The following ANKS1B variants were observed in gnomAD, a reference collection of about 807,000 sequenced individuals.
ANKS1B encodes ankyrin repeat and sterile alpha motif domain-containing protein 1B.
Under a neutral mutation model 148.3 loss-of-function variants are expected in ANKS1B, and 36 were observed. The observed-to-expected ratio is 0.24, with a 90% CI of 0.19 to 0.32. ANKS1B has a LOEUF of 0.32. Ranked by LOEUF, ANKS1B falls within the 10% of genes least tolerant of loss-of-function variation. ANKS1B has a pLI of 1.00. For missense variants in ANKS1B, 1,157 were observed against 1,542.6 expected, an observed-to-expected ratio of 0.75 and a Z score of 4.19; for synonymous variants, 542 against 560.8, an observed-to-expected ratio of 0.97 and a Z score of 0.47.
chr12:99,223,840 A>G (rs890299071), intron 14 of ANKS1B, among the ~76,000 whole-genome samples: 4 of 152,210 alleles, frequency 2.6e-5, no homozygotes, highest in Non-Finnish European at 5.9e-5. Context: ...TGCCTACTTT[A>G]TCAAACTAGC....
intron 17 of ANKS1B, among the ~76,000 whole-genome samples, chr12:98,985,927 A>G (rs1427680850): frequency 2.0e-5 from 3 of 152,086 alleles, no homozygotes; most frequent in African/African-American, 7.2e-5. Flanking sequence ...TCTGCCATCA[A>G]TTCATGTTCT....
chr12:99,603,659 A>T (rs2097825190), intron 9 of ANKS1B, among the ~76,000 whole-genome samples: 1 of 152,108 alleles, frequency 6.6e-6, no homozygotes, highest in Non-Finnish European at 1.5e-5. Context: ...TGAATTCTGG[A>T]GGGATACAGT....
At position 98,735,282 on chromosome 12, in the gene ANKS1B, A is replaced by T. The variant is rs113354620; in HGVS notation, c.*278T>A. The stretch of plus-strand genomic sequence containing the variant: ...AATTACATTGGACTTCATATATATA[A>T]TTTTTTTTTACATTATATGTCTCTT... On this transcript the variant is annotated 3_prime_UTR_variant, in exon 10 of 10. Transcript: ENST00000341752. 3.7e-4 allele frequency: 145 copies of T among 396,872 alleles called. 1 individual carries two copies. The highest frequency in any genetic ancestry group is 2.4e-3 in the African/African-American group (114 of 48,250). 24.6% of individuals were successfully genotyped at this position (396,872 alleles called of 1,614,324 possible).
At chr12:99,691,286 C>T (rs1231254089) in intron 8 of ANKS1B, among the ~76,000 whole-genome samples, 2 of 152,214 alleles carry the variant, frequency 1.3e-5, no homozygotes, top group African/African-American at 2.4e-5. Context: ...TGGAGACTTC[C>T]TCCCCATTGT....
intron 16 of ANKS1B, among the ~76,000 whole-genome samples, chr12:99,076,349 A>C (rs190696628): frequency 3.0e-4 from 46 of 152,292 alleles, no homozygotes; most frequent in South Asian, 1.5e-3. Flanking sequence ...ATTTTAGGGA[A>C]TATCAATGTA....
At chr12:99,508,667 G>A (rs1392203858) in intron 9 of ANKS1B, among the ~76,000 whole-genome samples, 1 of 151,584 alleles carries the variant, frequency 6.6e-6, no homozygotes, top group Non-Finnish European at 1.5e-5. Context: ...CTATCATATT[G>A]AAATTTTAAT....
At chr12:99,007,210 T>TGA (rs1346285923) in intron 17 of ANKS1B, among the ~76,000 whole-genome samples, 1 of 152,194 alleles carries the variant, frequency 6.6e-6, no homozygotes, top group Non-Finnish European at 1.5e-5. Flanking sequence ...TAAAGGAAGA[T>TGA]GATCAGGAAC....
At chr12:99,620,794 T>C (rs2098038049) in intron 9 of ANKS1B, among the ~76,000 whole-genome samples, 1 of 152,172 alleles carries the variant, frequency 6.6e-6, no homozygotes, top group African/African-American at 2.4e-5. Context: ...TTGGCATTGA[T>C]GAGAGAGAAA....
At chr12:99,902,439 A>C (rs1045506151) in intron 1 of ANKS1B, among the ~76,000 whole-genome samples, 19 of 152,180 alleles carry the variant, frequency 1.2e-4, no homozygotes, top group Non-Finnish European at 1.8e-4. Flanking sequence ...AGAAATTGAG[A>C]TTTCATTCTA....
chr12:99,315,252 AC>A (rs1233945349), intron 12 of ANKS1B, among the ~76,000 whole-genome samples: 3 of 151,768 alleles, frequency 2.0e-5, no homozygotes, highest in African/African-American at 4.8e-5. Flanking sequence ...AAAAAAAAAA[AC>A]AAAAAACCTA....
intron 9 of ANKS1B, among the ~76,000 whole-genome samples, chr12:99,620,887 T>A (rs997557971): frequency 6.6e-6 from 1 of 152,116 alleles, no homozygotes; most frequent in Non-Finnish European, 1.5e-5. Context: ...GGTAGACATC[T>A]GGATAGAAGA....
At chr12:99,113,560 T>C (rs1209114704) in intron 15 of ANKS1B, among the ~76,000 whole-genome samples, 1 of 152,228 alleles carries the variant, frequency 6.6e-6, no homozygotes, top group African/African-American at 2.4e-5. Context: ...TTCCCCTTCC[T>C]GAAACATATT....
intron 1 of ANKS1B, among the ~76,000 whole-genome samples, chr12:99,951,458 C>T (rs2095219544): frequency 6.6e-6 from 1 of 152,190 alleles, no homozygotes; most frequent in Admixed American, 6.5e-5. Flanking sequence ...CATAATTGTT[C>T]TAGAATCTAC....
intron 9 of ANKS1B, among the ~76,000 whole-genome samples, chr12:99,506,107 C>T (rs1298342384): frequency 2.0e-5 from 3 of 151,942 alleles, no homozygotes; most frequent in African/African-American, 4.8e-5. Flanking sequence ...ATCTGATGTA[C>T]GGTTTCTACT....
chr12:99,621,720 T>A (rs907693371), intron 9 of ANKS1B, among the ~76,000 whole-genome samples: 2 of 152,048 alleles, frequency 1.3e-5, no homozygotes, highest in Non-Finnish European at 2.9e-5. Context: ...CCTAGATATA[T>A]ACACACCCAA....
intron 9 of ANKS1B, among the ~76,000 whole-genome samples, chr12:99,643,915 T>C (rs1175042401): frequency 6.6e-6 from 1 of 152,238 alleles, no homozygotes; most frequent in Non-Finnish European, 1.5e-5. Context: ...TGCTTTCAGC[T>C]TTCTCTCTAA....
chr12:99,221,903 A>G (rs2085186209), intron 14 of ANKS1B, among the ~76,000 whole-genome samples: 1 of 152,230 alleles, frequency 6.6e-6, no homozygotes, highest in Non-Finnish European at 1.5e-5. Flanking sequence ...AAGAAAATAT[A>G]TAAACCATTG....
At position 99,027,854 on chromosome 12, in the gene ANKS1B, A is replaced by G. The variant is rs141701533; in HGVS notation, c.2778+25303T>C. 7.7e-4 allele frequency among the ~76,000 whole-genome samples: 118 copies of G among 152,362 alleles called. 1 individual carries two copies. Among genetic ancestry groups the G allele is most frequent in the African/African-American group, 2.8e-3 (116 of 41,596 alleles). ...TATTGTTAGAAAAGAACATTATTAT[A>G]TGGGAGATATACTTTACTGTATAAA... On this transcript the variant is annotated intron_variant, in intron 17 of 26. Coordinates refer to ENST00000683438, the MANE Select transcript of ANKS1B (RefSeq NM_001352186.2).
chr12:99,242,682 T>C (rs1001788884), intron 14 of ANKS1B, among the ~76,000 whole-genome samples: 2 of 152,128 alleles, frequency 1.3e-5, no homozygotes, highest in Non-Finnish European at 2.9e-5. Flanking sequence ...ATGATTCTGG[T>C]ACCAAAACAG....
Sources: allele counts gnomAD v4.1 joint callset (sites outside exome capture counted in the v4.1 genomes callset), GRCh38; gene constraint gnomAD v4.1.1; transcripts MANE v1.5; gene names NCBI Gene and HGNC (gene_info 2026-07-23, HGNC 2026-07-21).